VIT: variants seen among roughly 807,000 people sequenced by gnomAD.
VIT encodes vitrin.
In VIT, 99 loss-of-function variants were observed where a neutral mutation model predicts 78.0. The ratio of observed to expected loss-of-function variants is 1.27; its 90% CI spans 1.08 to 1.50. The LOEUF is 1.50. VIT is among the 40% of genes most tolerant of loss of function. The pLI is 0.00. For missense variants in VIT, 1,126 were observed against 875.3 expected (o/e 1.29, Z -3.61); for synonymous variants, 374 against 334.3 (o/e 1.12, Z -1.29).
chr2:36,757,514 G>A (rs751658642), intron 5 of VIT, among the ~76,000 whole-genome samples: 2 of 152,244 alleles, frequency 1.3e-5, no homozygotes, highest in Admixed American at 6.5e-5. Flanking sequence ...TCTCTTCCTC[G>A]CTTTCTGCAG....
Position 36,808,578 on chromosome 2 carries a change from T to TGTGACACA in VIT, c.1497_1498insTGACACAG (p.Ala500Ter), listed in dbSNP as rs1343570876. The TGTGACACA allele has an allele frequency of 3.1e-6, 5 of 1,614,052 alleles. No homozygotes were observed. In the Admixed American group the frequency reaches 8.3e-5, roughly 27 times the overall value. ...AAGCGGGTCTGCGACACTGACCGCC[T>TGTGACACA]GGCCTGCAGCAAGACCTGCTTGAAC... On this transcript the variant is annotated stop_gained and frameshift_variant, in exon 15 of 16. Coordinates refer to ENST00000379242, the MANE Select transcript of VIT (RefSeq NM_053276.4). LOFTEE classifies it high-confidence loss of function.
At chr2:36,784,659 T>C (rs1395380825) in intron 11 of VIT, among the ~76,000 whole-genome samples, 1 of 152,260 alleles carries the variant, frequency 6.6e-6, no homozygotes, top group Non-Finnish European at 1.5e-5. Context: ...ACTACAGCAA[T>C]TAAATACATT....
intron 1 of VIT, among the ~76,000 whole-genome samples, chr2:36,706,004 G>A (rs1277776658): frequency 1.3e-5 from 2 of 152,172 alleles, no homozygotes; most frequent in African/African-American, 4.8e-5. Flanking sequence ...TATGTCTCCT[G>A]CGGGACCAAA....
intron 10 of VIT, among the ~76,000 whole-genome samples, 196 bp downstream of exon 10, chr2:36,781,967 G>A (rs1268022659): frequency 6.6e-6 from 1 of 152,122 alleles, no homozygotes; most frequent in Non-Finnish European, 1.5e-5. Context: ...GGGGTAAGGG[G>A]CAATATTGGA....
intron 9 of VIT, among the ~76,000 whole-genome samples, chr2:36,775,507 G>T (rs935303426): frequency 5.3e-5 from 8 of 152,088 alleles, no homozygotes; most frequent in Non-Finnish European, 1.0e-4. Context: ...GACAATTTTG[G>T]GTTTGTTTCA....
intron 7 of VIT, among the ~76,000 whole-genome samples, chr2:36,773,223 A>G (rs1669858277): frequency 6.6e-6 from 1 of 152,238 alleles, no homozygotes; most frequent in Non-Finnish European, 1.5e-5. Flanking sequence ...GTGTAAAGAA[A>G]TATGGCATTT....
At chr2:36,814,097 G>C in intron 15 of VIT, 86 bp from the exon 16 acceptor site, 1 of 1,508,940 alleles carries the variant, frequency 6.6e-7, no homozygotes, top group South Asian at 1.3e-5. Context: ...GGATTTGGCT[G>C]TGCCAACAGG....
At chr2:36,744,330 T>C (rs1185146805) in intron 4 of VIT, among the ~76,000 whole-genome samples, 7 of 152,218 alleles carry the variant, frequency 4.6e-5, no homozygotes, top group African/African-American at 1.7e-4. Flanking sequence ...TACCCAGCAA[T>C]GGGTATATAT....
intron 15 of VIT, among the ~76,000 whole-genome samples, chr2:36,813,170 C>G (rs975847958): frequency 4.7e-5 from 7 of 150,286 alleles, no homozygotes; most frequent in Admixed American, 4.6e-4. Context: ...TCCAATGAGG[C>G]CAGGCACGGT....
At chr2:36,697,820 A>T (rs12618264) in intron 1 of VIT, among the ~76,000 whole-genome samples, 1 of 152,262 alleles carries the variant, frequency 6.6e-6, no homozygotes, top group Admixed American at 6.5e-5. Flanking sequence ...AAAAATAAAA[A>T]CAAGCATTCT....
At chr2:36,697,829 C>T (rs569751929) in intron 1 of VIT, among the ~76,000 whole-genome samples, 1 of 152,304 alleles carries the variant, frequency 6.6e-6, no homozygotes, top group Admixed American at 6.5e-5. Flanking sequence ...AACAAGCATT[C>T]TTGGCCGTGG....
chr2:36,743,165 T>C lies in VIT; in HGVS notation c.184T>C (p.Cys62Arg), dbSNP rs572625385. 3.5e-5 allele frequency: 56 copies of C among 1,614,086 alleles called. 2 individuals are homozygous for C. The South Asian group carries it at 5.8e-4, about 17-fold the overall frequency. ...CATCGATCCTGAGTTCATTGTGAAA[T>C]GTCCAGCAGGATGCCAAGACCCCAA... ...KIIDPEFIVK[C>R]PAGCQDPKYH... Residue 62 changes from cysteine to arginine, a missense_variant, in exon 4 of 16, where the codon TGT becomes CGT. Transcript: ENST00000379242.
At chr2:36,700,888 GA>G (rs1329608316) in intron 1 of VIT, among the ~76,000 whole-genome samples, 1 of 151,830 alleles carries the variant, frequency 6.6e-6, no homozygotes, top group Non-Finnish European at 1.5e-5. Context: ...TTATACAGAT[GA>G]AAAAAACGAA....
At chr2:36,769,102 T>A (rs1248218808) in intron 7 of VIT, among the ~76,000 whole-genome samples, 2 of 152,218 alleles carry the variant, frequency 1.3e-5, no homozygotes, top group African/African-American at 4.8e-5. Context: ...GGATGCTGGA[T>A]GGCAAGGGTT....
At chr2:36,799,533 C>G (rs1049429256) in intron 12 of VIT, among the ~76,000 whole-genome samples, 4 of 152,028 alleles carry the variant, frequency 2.6e-5, no homozygotes, top group Non-Finnish European at 5.9e-5. Flanking sequence ...CCAGGGGCAA[C>G]ATAGCAAGAC....
chr2:36,704,028 T>C (rs1196828405), intron 1 of VIT, among the ~76,000 whole-genome samples: 2 of 150,960 alleles, frequency 1.3e-5, no homozygotes, highest in African/African-American at 4.9e-5. Flanking sequence ...GGTGTTTGAC[T>C]GATTCTCCTG....
At chr2:36,807,489 C>T (rs7563483) in intron 14 of VIT, among the ~76,000 whole-genome samples, 8,493 of 152,296 alleles carry the variant, frequency 0.056, 361 homozygotes, top group African/African-American at 0.12. Flanking sequence ...TCATGAGCTC[C>T]ACGGAAAGTT....
chr2:36,703,494 ACAGT>A (rs1307930444), intron 1 of VIT, among the ~76,000 whole-genome samples: 11 of 152,160 alleles, frequency 7.2e-5, no homozygotes, highest in African/African-American at 2.4e-4. Flanking sequence ...ATCCCATTAC[ACAGT>A]CAATTACAAT....
chr2:36,743,051 A>G, intron 3 of VIT, 49 bp from the exon 4 acceptor site: 2 of 1,606,816 alleles, frequency 1.2e-6, no homozygotes, highest in Non-Finnish European at 1.7e-6. Context: ...CACCCCACAG[A>G]TAAACTAATA....
Sources: gnomAD v4.1 joint callset for allele counts (sites outside exome capture counted in the v4.1 genomes callset) on GRCh38, gnomAD v4.1.1 for gene constraint, MANE v1.5 for transcripts, NCBI Gene and HGNC (gene_info 2026-07-23, HGNC 2026-07-21) for gene names.